The following AP3B1 variants were observed in gnomAD, a reference collection of about 807,000 sequenced individuals.
The protein encoded by AP3B1 is adaptor related protein complex 3 subunit beta 1, also known as AP-3 complex subunit beta-1.
AP3B1 carries 61 observed loss-of-function variants against 132.5 expected under a neutral mutation model. That is an observed-to-expected ratio of 0.46 (90% CI 0.37 to 0.57). AP3B1 has a LOEUF of 0.57. AP3B1 is among the 20% of genes least tolerant of loss of function. The pLI, the probability that AP3B1 is intolerant of heterozygous loss-of-function variation, is 0.00. For missense variants in AP3B1, 1,120 were observed against 1,289.4 expected (o/e 0.87, Z 2.01); for synonymous variants, 388 against 438.3 (o/e 0.89, Z 1.43).
At chr5:78,126,489 A>T in intron 17 of AP3B1, among the ~76,000 whole-genome samples, 1 of 129,996 alleles carries the variant, frequency 7.7e-6, no homozygotes. Context: ...TGGGTGACAG[A>T]GCAAGACTCT....
chr5:78,056,243 T>TA, intron 22 of AP3B1, among the ~76,000 whole-genome samples: 1 of 152,312 alleles, frequency 6.6e-6, no homozygotes, highest in Middle Eastern at 3.4e-3. Flanking sequence ...AGCCACATAT[T>TA]AAATGGTGAG....
intron 2 of AP3B1, among the ~76,000 whole-genome samples, chr5:78,253,644 A>T (rs1747729156): frequency 6.6e-6 from 1 of 152,182 alleles, no homozygotes; most frequent in South Asian, 2.1e-4. Flanking sequence ...AAACTCAAAG[A>T]AATTCAAGAT....
chr5:78,166,949 T>C (rs1454595517), intron 11 of AP3B1, among the ~76,000 whole-genome samples: 1 of 152,184 alleles, frequency 6.6e-6, no homozygotes, highest in Non-Finnish European at 1.5e-5. Flanking sequence ...AAAGACTTCA[T>C]GACCCAAACC....
At chr5:78,055,203 G>A (rs551865559) in intron 22 of AP3B1, among the ~76,000 whole-genome samples, 1 of 152,160 alleles carries the variant, frequency 6.6e-6, no homozygotes, top group Non-Finnish European at 1.5e-5. Context: ...TGGCTGTTCC[G>A]GGTCAAGTCC....
chr5:78,023,564 T>C (rs1167372314), intron 24 of AP3B1, among the ~76,000 whole-genome samples: 1 of 151,968 alleles, frequency 6.6e-6, no homozygotes, highest in Non-Finnish European at 1.5e-5. Context: ...GCTGAAGCCT[T>C]ATGAGTAGAT....
At chr5:78,101,381 C>T (rs1383583799) in intron 20 of AP3B1, 1 of 443,068 alleles carries the variant, frequency 2.3e-6, no homozygotes, top group South Asian at 1.7e-5. Flanking sequence ...AACTTTTAAA[C>T]AGGTTTACTT....
intron 20 of AP3B1, among the ~76,000 whole-genome samples, chr5:78,106,593 T>C (rs1439626102): frequency 6.6e-6 from 1 of 152,162 alleles, no homozygotes; most frequent in African/African-American, 2.4e-5. Flanking sequence ...TTAATATCCA[T>C]CTGGCAGTTG....
At chr5:78,192,112 G>A (rs1277929560) in intron 7 of AP3B1, among the ~76,000 whole-genome samples, 3 of 151,554 alleles carry the variant, frequency 2.0e-5, no homozygotes, top group African/African-American at 4.8e-5. Flanking sequence ...CGCCCGCCTC[G>A]GCTTCCCAAA....
At chr5:78,087,767 T>C in intron 22 of AP3B1, 1 of 837,032 alleles carries the variant, frequency 1.2e-6, no homozygotes, top group Non-Finnish European at 1.4e-6. Flanking sequence ...GCTTTTCTAA[T>C]CTCAACTGCT....
chr5:78,177,767 T>C (rs1252474517), intron 8 of AP3B1, among the ~76,000 whole-genome samples: 2 of 151,700 alleles, frequency 1.3e-5, no homozygotes, highest in Non-Finnish European at 2.9e-5. Context: ...GTGAAGGCCA[T>C]GTGAAGATGG....
intron 7 of AP3B1, among the ~76,000 whole-genome samples, chr5:78,194,234 T>C (rs1744992025): frequency 6.6e-6 from 1 of 152,184 alleles, no homozygotes; most frequent in Non-Finnish European, 1.5e-5. Flanking sequence ...ATGCATATCA[T>C]TTCAACCATC....
At chr5:78,267,767 C>T (rs935339641) in intron 1 of AP3B1, among the ~76,000 whole-genome samples, 172 bp from the exon 2 acceptor site, 10 of 152,226 alleles carry the variant, frequency 6.6e-5, no homozygotes, top group Admixed American at 1.3e-4. Context: ...AAACCAAACC[C>T]GCCAACACCT....
chr5:78,154,114 T>G (rs892427679), intron 14 of AP3B1, among the ~76,000 whole-genome samples: 2 of 152,208 alleles, frequency 1.3e-5, no homozygotes, highest in African/African-American at 4.8e-5. Flanking sequence ...CCTTTTAGCA[T>G]TTCTTACAAG....
At chr5:78,137,588 C>T (rs1205430501) in intron 15 of AP3B1, among the ~76,000 whole-genome samples, 2 of 152,114 alleles carry the variant, frequency 1.3e-5, no homozygotes, top group Non-Finnish European at 2.9e-5. Context: ...TAACTCTGTG[C>T]CATTTCCTTC....
chr5:78,076,717 A>T (rs1166860158), intron 22 of AP3B1, among the ~76,000 whole-genome samples: 7 of 152,200 alleles, frequency 4.6e-5, no homozygotes, highest in Non-Finnish European at 8.8e-5. Flanking sequence ...ACCATGTGGC[A>T]ATATTTCAAA....
At chr5:78,158,800 G>A (rs778160339) in intron 13 of AP3B1, among the ~76,000 whole-genome samples, 8 of 151,922 alleles carry the variant, frequency 5.3e-5, no homozygotes, top group South Asian at 2.1e-4. Context: ...GGGTTCAAGC[G>A]ATTCTCCTGC....
chr5:78,229,945 G>A lies in AP3B1; in HGVS notation c.280-1706C>T, dbSNP rs578119813. Among the ~76,000 whole-genome samples the A allele has an allele frequency of 3.3e-5, 5 of 151,914 alleles. No homozygotes were observed. In the South Asian group the frequency reaches 6.3e-4, roughly 19 times the overall value. On this transcript the variant is annotated intron_variant, in intron 3 of 26. Transcript: ENST00000255194. ...TTCCTTCCTTGTACCCTAATTTCTC[G>A]TGAAACATAACAGCTTTAGTTCCTC...
intron 22 of AP3B1, among the ~76,000 whole-genome samples, chr5:78,079,888 T>A (rs959491153): frequency 6.6e-6 from 1 of 152,246 alleles, no homozygotes; most frequent in Non-Finnish European, 1.5e-5. Flanking sequence ...TTGGATTTGG[T>A]GTTCGCCAGT....
intron 26 of AP3B1, among the ~76,000 whole-genome samples, chr5:78,007,309 G>A (rs555497364): frequency 6.6e-6 from 1 of 152,290 alleles, no homozygotes; most frequent in African/African-American, 2.4e-5. Context: ...ACAGCTCTAA[G>A]ACATGCTTTT....
Sources: gnomAD v4.1 joint callset for allele counts (sites outside exome capture counted in the v4.1 genomes callset) on GRCh38, gnomAD v4.1.1 for gene constraint, MANE v1.5 for transcripts, NCBI Gene and HGNC (gene_info 2026-07-23, HGNC 2026-07-21) for gene names.